CREB1: variants seen among roughly 807,000 people sequenced by gnomAD.
CREB1 encodes the protein cAMP responsive element binding protein 1, also known as cyclic AMP-responsive element-binding protein 1.
CREB1 carries 2 observed loss-of-function variants against 42.0 expected under a neutral mutation model. That is an observed-to-expected ratio of 0.05 (90% CI 0.02 to 0.15). CREB1 has a LOEUF of 0.15. CREB1 is among the 10% of genes least tolerant of loss of function. The probability of loss-of-function intolerance (pLI) is 1.00; values close to 1 mark genes in which losing one functional copy is unlikely to be tolerated. For synonymous variants in CREB1, 123 were observed against 139.9 expected (o/e 0.88, Z 0.85); for missense variants, 199 against 388.9 (o/e 0.51, Z 4.11).
chr2:207,596,428 GTTGT>G (rs2086171595), intron 7 of CREB1, among the ~76,000 whole-genome samples: 1 of 152,112 alleles, frequency 6.6e-6, no homozygotes, highest in African/African-American at 2.4e-5. Flanking sequence ...TGTTTATGGA[GTTGT>G]TTTTTTGTTT....
chr2:207,584,421 C>A (rs563490842), intron 7 of CREB1, among the ~76,000 whole-genome samples: 1 of 151,436 alleles, frequency 6.6e-6, no homozygotes, highest in Non-Finnish European at 1.5e-5. Context: ...TTTTTTGAGA[C>A]GGAGTCTCCC....
intron 3 of CREB1, chr2:207,561,280 C>T (rs1015709813): frequency 3.0e-5 from 25 of 835,514 alleles, no homozygotes; most frequent in Non-Finnish European, 4.6e-5. Context: ...GAACAAAAAC[C>T]TCAGAGATCT....
rs1329839243 is a variant in CREB1 at position 207,560,228 on chromosome 2, A to G, written c.117A>G (p.Val39=). The part of the protein sequence containing the change: ...AQPQIATLAQ[V]SMPAAHATSS... Reference sequence around the variant, plus strand: ...CTTTTCTGTGTTCAACACCATAGGTATCTATGCCAGCAGCTCATGCAACAT... The same window carrying G: ...CTTTTCTGTGTTCAACACCATAGGTGTCTATGCCAGCAGCTCATGCAACAT... Residue 39 remains valine, a splice_region_variant and synonymous_variant, in exon 3 of 8, where the codon GTA becomes GTG. Coordinates refer to ENST00000353267, the MANE Select transcript of CREB1 (RefSeq NM_004379.5). 7 of 1,607,102 alleles carry G rather than the reference A, an allele frequency of 4.4e-6. No individual in the cohort carries two copies. Among genetic ancestry groups the G allele is most frequent in the South Asian group, 2.2e-5 (2 of 90,556 alleles).
intron 7 of CREB1, chr2:207,580,824 G>C (rs990160002): frequency 2.8e-4 from 63 of 221,910 alleles, no homozygotes; most frequent in African/African-American, 1.4e-3. Context: ...TCTCCTTCAT[G>C]TGCCCATCTG....
intron 7 of CREB1, 26 bp from the exon 8 acceptor site, chr2:207,596,887 AT>A: frequency 1.3e-6 from 2 of 1,586,582 alleles, no homozygotes; most frequent in Non-Finnish European, 1.7e-6. Flanking sequence ...CATTTGCATA[AT>A]TTTTCCCGTC....
At chr2:207,563,173 T>C (rs928960025) in intron 3 of CREB1, among the ~76,000 whole-genome samples, 1 of 152,124 alleles carries the variant, frequency 6.6e-6, no homozygotes, top group African/African-American at 2.4e-5. Context: ...TCGAAAGGTT[T>C]GGAAGTGAGG....
Position 207,545,367 on chromosome 2 carries a change from C to G in CREB1, c.-8-10261C>G, listed in dbSNP as rs1044619990. On this transcript the variant is annotated intron_variant, in intron 1 of 7. Transcript: ENST00000353267. ...GGACTCCAGTCATGTGCCACCATGC[C>G]CGGCTAATTTTTGTATTTTTAGTAG... Among the ~76,000 whole-genome samples, 8 of 152,042 alleles carry G rather than the reference C, an allele frequency of 5.3e-5. No individual in the cohort carries two copies. In the East Asian group the frequency reaches 1.6e-3, roughly 30 times the overall value.
At chr2:207,564,975 G>A (rs184329370) in intron 3 of CREB1, among the ~76,000 whole-genome samples, 143 of 151,300 alleles carry the variant, frequency 9.5e-4, no homozygotes, top group East Asian at 9.7e-4. Flanking sequence ...TTTTTATTCT[G>A]TTATTTATAA....
At chr2:207,542,341 T>G (rs1272890083) in intron 1 of CREB1, among the ~76,000 whole-genome samples, 1 of 152,216 alleles carries the variant, frequency 6.6e-6, no homozygotes, top group East Asian at 1.9e-4. Flanking sequence ...TTTTGTTTTT[T>G]TGTTTATTTC....
chr2:207,556,242 T>G (rs1475737445), intron 2 of CREB1, among the ~76,000 whole-genome samples: 1 of 152,212 alleles, frequency 6.6e-6, no homozygotes, highest in African/African-American at 2.4e-5. Flanking sequence ...TAATTTCTGA[T>G]TCTTTCATTT....
chr2:207,558,731 G>GC (rs1339673966), intron 2 of CREB1, among the ~76,000 whole-genome samples: 1 of 148,626 alleles, frequency 6.7e-6, no homozygotes, highest in Non-Finnish European at 1.5e-5. Context: ...TGCAACCTCT[G>GC]CCCCCTGGGT....
At chr2:207,574,728 T>C (rs556326819) in intron 5 of CREB1, among the ~76,000 whole-genome samples, 5 of 152,350 alleles carry the variant, frequency 3.3e-5, no homozygotes, top group African/African-American at 1.2e-4. Context: ...AGTTGTTTCA[T>C]TGAGTGGATT....
intron 7 of CREB1, among the ~76,000 whole-genome samples, chr2:207,590,747 TACTG>T (rs1339626621): frequency 1.3e-5 from 2 of 152,158 alleles, no homozygotes; most frequent in African/African-American, 2.4e-5. Flanking sequence ...CGATGGATAA[TACTG>T]ACTGTGTTCC....
Position 207,601,577 on chromosome 2 carries a change from T to C in CREB1, c.*4519T>C, listed in dbSNP as rs1258490833. The stretch of plus-strand genomic sequence containing the variant: ...TTTATTTTCAATTTTTAATGAGACT[T>C]TATCCTCATCACAACATTAATACTG... On this transcript the variant is annotated 3_prime_UTR_variant, in exon 8 of 8. Transcript: ENST00000353267. The C allele has an allele frequency of 9.8e-6, 2 of 204,908 alleles. No individual in the cohort carries two copies. The highest frequency in any genetic ancestry group is 2.0e-5 in the Non-Finnish European group (2 of 100,196). 12.7% of individuals were successfully genotyped at this position (204,908 alleles called of 1,614,324 possible).
chr2:207,582,195 T>G, intron 7 of CREB1: 1 of 702,894 alleles, frequency 1.4e-6, no homozygotes, highest in Admixed American at 2.0e-5. Flanking sequence ...TTTGTGGTCA[T>G]ATGTTAAAAC....
chr2:207,584,388 T>C (rs1252205818), intron 7 of CREB1, among the ~76,000 whole-genome samples: 1 of 152,192 alleles, frequency 6.6e-6, no homozygotes, highest in African/African-American at 2.4e-5. Flanking sequence ...TGGTTTTAAC[T>C]TGCACTTCAC....
At chr2:207,564,512 A>C (rs538159463) in intron 3 of CREB1, among the ~76,000 whole-genome samples, 1 of 148,972 alleles carries the variant, frequency 6.7e-6, no homozygotes, top group African/African-American at 2.4e-5. Context: ...CTGTCTCTTA[A>C]AAAAAAAAAA....
Position 207,575,944 on chromosome 2 carries a change from C to T in CREB1, c.688+490C>T, listed in dbSNP as rs564657282. 6.3e-5 allele frequency among the ~76,000 whole-genome samples: 4 copies of T among 63,568 alleles called. 1 individual carries two copies. The highest frequency in any genetic ancestry group is 1.6e-4 in the African/African-American group (4 of 25,466). 41.7% of individuals were successfully genotyped at this position (63,568 alleles called of 152,430 possible). ...TTCTGTTTCTCTGCTTCCCCCCCCC[C>T]CCCCAAAAGAAATTTAAATCTTCTG... is the stretch of plus-strand genomic sequence containing the variant. On this transcript the variant is annotated intron_variant, in intron 6 of 7. Coordinates refer to ENST00000353267, the MANE Select transcript of CREB1 (RefSeq NM_004379.5).
In CREB1 at chr2:207,602,475, T is replaced by G. The variant is rs557917540; in HGVS notation, c.*5417T>G. ...GGATCAAAGAGTAGGAAATTCACAT[T>G]TGACCTAACATTACTTGCCTATAGA... On this transcript the variant is annotated 3_prime_UTR_variant, in exon 8 of 8. Transcript: ENST00000353267. 1 of 203,018 alleles carries G rather than the reference T, an allele frequency of 4.9e-6. No homozygotes were observed. Among genetic ancestry groups the G allele is most frequent in the Non-Finnish European group, 1.0e-5 (1 of 99,022 alleles). 12.6% of individuals were successfully genotyped at this position (203,018 alleles called of 1,614,324 possible).
Sources: allele counts gnomAD v4.1 joint callset (sites outside exome capture counted in the v4.1 genomes callset), GRCh38; gene constraint gnomAD v4.1.1; transcripts MANE v1.5; gene names NCBI Gene and HGNC (gene_info 2026-07-23, HGNC 2026-07-21).